NEK1: variants seen among roughly 807,000 people sequenced by gnomAD.
The protein encoded by NEK1 is NIMA related kinase 1, also known as serine/threonine-protein kinase Nek1.
Under a neutral mutation model 182.1 loss-of-function variants are expected in NEK1, and 137 were observed. The ratio of observed to expected loss-of-function variants is 0.75; its 90% CI spans 0.65 to 0.87. The LOEUF (loss-of-function observed/expected upper bound fraction) is 0.87, where lower values mean the gene tolerates loss of function less well. Ranked by LOEUF, NEK1 falls within the 40% of genes least tolerant of loss-of-function variation. The pLI, the probability that NEK1 is intolerant of heterozygous loss-of-function variation, is 0.00. For missense variants in NEK1, 1,391 were observed against 1,494.4 expected (o/e 0.93, Z 1.14); for synonymous variants, 513 against 492.2 (o/e 1.04, Z -0.56).
rs369828251 is a variant in NEK1 at position 169,421,463 on chromosome 4, C to G, written c.3222+3090G>C. Reference sequence around the variant, plus strand: ...AAATCTCATCTGGAATTGTAATCCCCAAGAGTCAGTGAAGGGACCTGGTGG... The same window carrying G: ...AAATCTCATCTGGAATTGTAATCCCGAAGAGTCAGTGAAGGGACCTGGTGG... On this transcript the variant is annotated intron_variant, in intron 31 of 35. Transcript: ENST00000507142. Among the ~76,000 whole-genome samples, 3 of 152,228 alleles carry G rather than the reference C, an allele frequency of 2.0e-5. 1 individual carries two copies. Among genetic ancestry groups the G allele is most frequent in the African/African-American group, 7.2e-5 (3 of 41,536 alleles).
At chr4:169,469,311 A>T in intron 26 of NEK1, among the ~76,000 whole-genome samples, 1 of 152,290 alleles carries the variant, frequency 6.6e-6, no homozygotes, top group Non-Finnish European at 1.5e-5. Flanking sequence ...AGATTCTGGT[A>T]CAGTGTGTCT....
chr4:169,555,657 G>A, intron 18 of NEK1, 63 bp downstream of exon 18: 2 of 1,590,740 alleles, frequency 1.3e-6, no homozygotes, highest in South Asian at 1.1e-5. Flanking sequence ...TAGGTACTAA[G>A]CTATGTATGA....
rs1296523129 is a variant in NEK1 at position 169,570,183 on chromosome 4, G to A, written c.1020+6745C>T. On this transcript the variant is annotated intron_variant, in intron 12 of 35. Transcript: ENST00000507142. The stretch of plus-strand genomic sequence containing the variant: ...GTGAGGAGCGCCTCTGCCCGGCTGC[G>A]ACCCCGTCTGGGAGGTGAGGAGCGT... Among the ~76,000 whole-genome samples the A allele has an allele frequency of 9.1e-5, 11 of 120,648 alleles. 2 individuals carry two copies. The highest frequency in any genetic ancestry group is 3.5e-4 in the African/African-American group (11 of 30,996). The allele number at this position is 120,648 out of a possible 152,430, so 79.1% of individuals were successfully genotyped here.
chr4:169,505,851 G>GA (rs570639848), intron 23 of NEK1, among the ~76,000 whole-genome samples: 3 of 150,972 alleles, frequency 2.0e-5, no homozygotes, highest in African/African-American at 7.3e-5. Flanking sequence ...ATTCTGTTAG[G>GA]AAAAAAAACC....
At chr4:169,447,235 T>G (rs1321228615) in intron 27 of NEK1, among the ~76,000 whole-genome samples, 1 of 152,048 alleles carries the variant, frequency 6.6e-6, no homozygotes, top group Non-Finnish European at 1.5e-5. Flanking sequence ...AAAATCTTAC[T>G]GGCCAGGAGA....
chr4:169,406,072 G>GGGT (rs1210146009), intron 32 of NEK1, among the ~76,000 whole-genome samples: 1 of 152,126 alleles, frequency 6.6e-6, no homozygotes, highest in African/African-American at 2.4e-5. Flanking sequence ...ACTCCAGCCT[G>GGGT]GGTGACAGAG....
Position 169,585,433 on chromosome 4 carries a change from T to C in NEK1, c.723A>G (p.Arg241=), listed in dbSNP as rs1178088633. The change falls in exon 10 of 36, where the codon AGA becomes AGG. Residue 241 remains arginine (R), a synonymous_variant. Coordinates refer to ENST00000507142, the MANE Select transcript of NEK1 (RefSeq NM_001199397.3). ...TGACTGATGGTCTATCCCTAGGATTTCTTTTAAATAACTGAGACACCAAAC... is the reference window on the plus strand; with the variant it reads ...TGACTGATGGTCTATCCCTAGGATTCCTTTTAAATAACTGAGACACCAAAC... ...LRSLVSQLFK[R]NPRDRPSVNS... is the part of the protein sequence containing the mutation. The C allele has an allele frequency of 6.2e-7, 1 of 1,613,766 alleles. No homozygotes were observed. The highest frequency in any genetic ancestry group is 1.7e-5 in the Admixed American group (1 of 59,988).
chr4:169,509,685 A>T (rs1200197851), intron 19 of NEK1, among the ~76,000 whole-genome samples: 1 of 152,148 alleles, frequency 6.6e-6, no homozygotes, highest in African/African-American at 2.4e-5. Context: ...TTCCACTGGA[A>T]ATTAGTTTTG....
intron 31 of NEK1, 106 bp from the exon 32 acceptor site, chr4:169,406,853 T>C: frequency 8.5e-6 from 7 of 823,388 alleles, no homozygotes; most frequent in Non-Finnish European, 1.1e-5. Flanking sequence ...GTGTAAAATG[T>C]AACATATAAA....
At chr4:169,532,445 T>G (rs1349110342) in intron 19 of NEK1, among the ~76,000 whole-genome samples, 1 of 152,040 alleles carries the variant, frequency 6.6e-6, no homozygotes, top group Non-Finnish European at 1.5e-5. Context: ...GCACCAAGAG[T>G]GAGCGGTAAT....
At chr4:169,468,795 C>T (rs909400173) in intron 26 of NEK1, among the ~76,000 whole-genome samples, 2 of 152,064 alleles carry the variant, frequency 1.3e-5, no homozygotes, top group Non-Finnish European at 2.9e-5. Context: ...AATTTCAGAA[C>T]TTGTTATTGG....
At chr4:169,422,387 T>C (rs1045875493) in intron 31 of NEK1, among the ~76,000 whole-genome samples, 5 of 152,148 alleles carry the variant, frequency 3.3e-5, no homozygotes, top group African/African-American at 1.2e-4. Flanking sequence ...TGATCCACTA[T>C]AGAAAAAGTT....
chr4:169,579,312 C>T (rs1329776581), intron 11 of NEK1, among the ~76,000 whole-genome samples: 5 of 152,168 alleles, frequency 3.3e-5, no homozygotes, highest in East Asian at 1.9e-4. Flanking sequence ...GTGGAAAGAA[C>T]GTGCTGACAC....
chr4:169,510,437 T>G (rs1386699253), intron 19 of NEK1, among the ~76,000 whole-genome samples: 1 of 152,198 alleles, frequency 6.6e-6, no homozygotes, highest in Non-Finnish European at 1.5e-5. Context: ...TTACCTACTA[T>G]ACTCAAATAT....
Position 169,463,398 on chromosome 4 carries a change from A to C in NEK1, c.2435-3T>G. 6.3e-7 allele frequency: 1 copy of C among 1,588,106 alleles called. No individual in the cohort carries two copies. Among genetic ancestry groups the C allele is most frequent in the Non-Finnish European group, 8.6e-7 (1 of 1,165,352 alleles). ...AATAACTTCTCCCACTGTATGTCCT[A>C]TAAGAAAAATATACAAAGAAACAAT... On this transcript the variant is annotated splice_region_variant and splice_polypyrimidine_tract_variant and intron_variant, in intron 26 of 35. Coordinates refer to ENST00000507142, the MANE Select transcript of NEK1 (RefSeq NM_001199397.3).
rs536967152 is a variant in NEK1, at chr4:169,595,172, A to G, written c.312+3928T>C. Among the ~76,000 whole-genome samples the G allele has an allele frequency of 3.2e-4, 49 of 152,284 alleles. 1 individual carries two copies. The South Asian group carries it at 9.8e-3, about 30-fold the overall frequency. On this transcript the variant is annotated intron_variant, in intron 5 of 35. Coordinates refer to ENST00000507142, the MANE Select transcript of NEK1 (RefSeq NM_001199397.3). ...TGAACTGAGTCAGAATTTCTTCAAGACTTTTTTGTACATAAGCTGACAAAC... is the reference window on the plus strand; with the variant it reads ...TGAACTGAGTCAGAATTTCTTCAAGGCTTTTTTGTACATAAGCTGACAAAC...
intron 18 of NEK1, among the ~76,000 whole-genome samples, chr4:169,541,750 A>G (rs1441947202): frequency 1.3e-5 from 2 of 152,300 alleles, no homozygotes; most frequent in African/African-American, 4.8e-5. Context: ...TTCGGTATTA[A>G]CTAGTCCAAG....
chr4:169,439,650 A>G (rs1739054335), intron 27 of NEK1, among the ~76,000 whole-genome samples: 1 of 152,186 alleles, frequency 6.6e-6, no homozygotes, highest in South Asian at 2.1e-4. Flanking sequence ...ACAGAAGAAT[A>G]GGAAATAATC....
intron 27 of NEK1, among the ~76,000 whole-genome samples, chr4:169,448,646 G>C (rs767330198): frequency 8.5e-5 from 13 of 152,184 alleles, no homozygotes; most frequent in Non-Finnish European, 1.8e-4. Flanking sequence ...TCAAAAGACA[G>C]AGAGTGGCTG....
Sources: gnomAD v4.1 joint callset for allele counts (sites outside exome capture counted in the v4.1 genomes callset) on GRCh38, gnomAD v4.1.1 for gene constraint, MANE v1.5 for transcripts, NCBI Gene and HGNC (gene_info 2026-07-23, HGNC 2026-07-21) for gene names.